HECW2: variants seen among roughly 807,000 people sequenced by gnomAD.
HECW2 encodes HECT, C2 and WW domain containing E3 ubiquitin protein ligase 2.
HECW2 carries 61 observed loss-of-function variants against 175.2 expected under a neutral mutation model. The ratio of observed to expected loss-of-function variants is 0.35; its 90% CI spans 0.28 to 0.43. The LOEUF (loss-of-function observed/expected upper bound fraction) is 0.43. Among genes scored for constraint, HECW2 ranks in the 20% least tolerant of loss-of-function variants. The pLI, the probability that HECW2 is intolerant of heterozygous loss-of-function variation, is 1.00. For missense variants in HECW2, 1,524 were observed against 2,000.5 expected, an observed-to-expected ratio of 0.76 and a Z score of 4.54; for synonymous variants, 671 against 731.0, an observed-to-expected ratio of 0.92 and a Z score of 1.32.
At chr2:196,577,092 T>C (rs1211352129) in intron 1 of HECW2, among the ~76,000 whole-genome samples, 1 of 152,202 alleles carries the variant, frequency 6.6e-6, no homozygotes, top group Non-Finnish European at 1.5e-5. Context: ...GAGATAATGA[T>C]AGGCTAGAAC....
At chr2:196,404,821 T>TA (rs1694916652) in intron 2 of HECW2, among the ~76,000 whole-genome samples, 1 of 1,046 alleles carries the variant, frequency 9.6e-4, no homozygotes, top group Admixed American at 0.019. Flanking sequence ...TTTCTTCTCT[T>TA]TTTTTTTTTT....
intron 25 of HECW2, 117 bp downstream of exon 25, chr2:196,220,678 T>C: frequency 8.9e-7 from 1 of 1,129,302 alleles, no homozygotes; most frequent in Non-Finnish European, 1.3e-6. Context: ...ACTTTTCGCA[T>C]GGAAAGAGCA....
chr2:196,562,635 C>G (rs13382247), intron 1 of HECW2, among the ~76,000 whole-genome samples: 7,260 of 152,278 alleles, frequency 0.048, 570 homozygotes, highest in African/African-American at 0.16. Context: ...AGGGACAGAG[C>G]AGAAATACAT....
chr2:196,237,130 A>G (rs1011921815), intron 21 of HECW2, among the ~76,000 whole-genome samples: 14 of 152,082 alleles, frequency 9.2e-5, no homozygotes, highest in Admixed American at 6.6e-4. Context: ...CATATTTTCT[A>G]CTGTTTGCCT....
intron 24 of HECW2, among the ~76,000 whole-genome samples, chr2:196,221,876 C>T (rs922948620): frequency 6.6e-6 from 1 of 152,056 alleles, no homozygotes; most frequent in African/African-American, 2.4e-5. Context: ...CTATAAATGC[C>T]AATTAAAAAA....
chr2:196,275,052 T>G (rs1689891430), intron 15 of HECW2, among the ~76,000 whole-genome samples: 1 of 152,208 alleles, frequency 6.6e-6, no homozygotes, highest in African/African-American at 2.4e-5. Context: ...ATCACTTGGG[T>G]ATTTGCTGAG....
intron 1 of HECW2, among the ~76,000 whole-genome samples, chr2:196,481,940 T>G (rs1426841207): frequency 6.6e-6 from 1 of 152,198 alleles, no homozygotes; most frequent in Non-Finnish European, 1.5e-5. Flanking sequence ...ACCTGCACAA[T>G]GTCCAAGTTC....
At chr2:196,449,163 G>A (rs551677243) in intron 1 of HECW2, among the ~76,000 whole-genome samples, 6 of 151,994 alleles carry the variant, frequency 3.9e-5, no homozygotes, top group East Asian at 1.9e-4. Context: ...TGGGAATTTC[G>A]CTGGGCTACA....
intron 2 of HECW2, among the ~76,000 whole-genome samples, chr2:196,391,510 T>C (rs1420643966): frequency 6.6e-6 from 1 of 152,222 alleles, no homozygotes; most frequent in East Asian, 1.9e-4. Flanking sequence ...CATGAATGTA[T>C]GTTTTAGATG....
At chr2:196,519,861 G>A (rs970803716) in intron 1 of HECW2, among the ~76,000 whole-genome samples, 4 of 152,082 alleles carry the variant, frequency 2.6e-5, no homozygotes, top group Non-Finnish European at 4.4e-5. Context: ...ATGCTCCAGG[G>A]GTAATCAACT....
At position 196,274,857 on chromosome 2, in the gene HECW2, ATGT is replaced by A. The variant is rs140782465; in HGVS notation, c.3136-737_3136-735del. Among the ~76,000 whole-genome samples the A allele has an allele frequency of 2.6e-4, 39 of 152,330 alleles. No individual in the cohort carries two copies. The East Asian group carries it at 6.0e-3, about 23-fold the overall frequency. On this transcript the variant is annotated intron_variant, in intron 15 of 28. Coordinates refer to ENST00000644978, the MANE Select transcript of HECW2 (RefSeq NM_001348768.2). ...TTAACAGCCTTACCAGAAAACTCTA[ATGT>A]TGTTTTTGCTTCTGCTTTAGCATTT...
intron 2 of HECW2, among the ~76,000 whole-genome samples, chr2:196,363,972 C>T (rs576221729): frequency 1.3e-5 from 2 of 152,308 alleles, no homozygotes; most frequent in African/African-American, 4.8e-5. Context: ...TATCCCCAGG[C>T]AGGAATAGAG....
At chr2:196,364,684 A>T (rs144261345) in intron 2 of HECW2, among the ~76,000 whole-genome samples, 1 of 152,244 alleles carries the variant, frequency 6.6e-6, no homozygotes, top group African/African-American at 2.4e-5. Flanking sequence ...GAGGTAGCTG[A>T]GAACAAAATA....
Position 196,217,084 on chromosome 2 carries a change from T to C in HECW2, c.4418A>G (p.Asp1473Gly). Residue 1473 changes from aspartate (D) to glycine (G), a missense_variant, in exon 27 of 29, where the codon GAC (aspartate) becomes GGC (glycine). By Grantham distance (94) the Asp-to-Gly change is moderately conservative. Transcript: ENST00000644978. ...NNTEYRGGYH[D>G]NHIVIRWFWA... ...GAACCACCGAATTACAATATGATTG[T>C]CATGGTATCCTATCAAACCAATCAT... 1 of 1,585,982 alleles carries C rather than the reference T, an allele frequency of 6.3e-7. No homozygotes were observed. Among genetic ancestry groups the C allele is most frequent in the Non-Finnish European group, 8.6e-7 (1 of 1,169,268 alleles).
At chr2:196,370,927 A>G (rs1424925013) in intron 2 of HECW2, among the ~76,000 whole-genome samples, 2 of 152,210 alleles carry the variant, frequency 1.3e-5, no homozygotes, top group African/African-American at 4.8e-5. Context: ...TCAGCAATGA[A>G]AAACTCTCTC....
intron 13 of HECW2, among the ~76,000 whole-genome samples, chr2:196,298,209 G>A (rs1419974526): frequency 6.6e-6 from 1 of 152,072 alleles, no homozygotes; most frequent in East Asian, 1.9e-4. Context: ...ACAAATATAG[G>A]CACATCAGCT....
chr2:196,511,558 TTCACAGATCTTACAGTCTGG>T (rs1687954318), intron 1 of HECW2, among the ~76,000 whole-genome samples: 1 of 152,248 alleles, frequency 6.6e-6, no homozygotes, highest in Non-Finnish European at 1.5e-5. Context: ...GAGATGGATC[TTCACAGATCTTACAGTCTGG>T]TATTAAATAA....
At chr2:196,231,092 CAA>C (rs10653412) in intron 21 of HECW2, among the ~76,000 whole-genome samples, 16 of 55,326 alleles carry the variant, frequency 2.9e-4, no homozygotes, top group Admixed American at 2.2e-3. Context: ...GACTCCGTCT[CAA>C]AAAAAAAAAA....
chr2:196,489,704 T>C (rs955792363), intron 1 of HECW2, among the ~76,000 whole-genome samples: 1 of 152,132 alleles, frequency 6.6e-6, no homozygotes, highest in Non-Finnish European at 1.5e-5. Context: ...GGTCTTTTAC[T>C]AAGGAAATAA....
Sources: allele counts gnomAD v4.1 joint callset (sites outside exome capture counted in the v4.1 genomes callset), GRCh38; gene constraint gnomAD v4.1.1; transcripts MANE v1.5; gene names NCBI Gene and HGNC (gene_info 2026-07-23, HGNC 2026-07-21).